NMNAT2: variants seen among roughly 807,000 people sequenced by gnomAD.
The protein encoded by NMNAT2 is nicotinamide nucleotide adenylyltransferase 2, also known as nicotinamide/nicotinic acid mononucleotide adenylyltransferase 2.
NMNAT2 carries 11 observed loss-of-function variants against 41.6 expected under a neutral mutation model. The observed-to-expected ratio is 0.26, with a 90% confidence interval of 0.17 to 0.44. NMNAT2 has a LOEUF of 0.44. Among genes scored for constraint, NMNAT2 ranks in the 20% least tolerant of loss-of-function variants. The pLI is 1.00. For synonymous variants in NMNAT2, 148 were observed against 151.2 expected, an observed-to-expected ratio of 0.98 and a Z score of 0.16; for missense variants, 288 against 407.7, an observed-to-expected ratio of 0.71 and a Z score of 2.53.
At chr1:183,368,078 T>C (rs1343283217) in intron 1 of NMNAT2, among the ~76,000 whole-genome samples, 1 of 152,254 alleles carries the variant, frequency 6.6e-6, no homozygotes, top group African/African-American at 2.4e-5. Flanking sequence ...TCTCTTTGTT[T>C]CTTATTTCAA....
rs80034027 is a variant in NMNAT2, at chr1:183,349,835, G to A, written c.86-56042C>T. On this transcript the variant is annotated intron_variant, in intron 1 of 10. Transcript: ENST00000287713. ...GAAATGGATCTTGGCCTTGCAGACT[G>A]GGAGTCTGGGAGGGGGAAGTAGGAA... is the stretch of plus-strand genomic sequence containing the variant. Among the ~76,000 whole-genome samples, 434 of 152,314 alleles carry A rather than the reference G, an allele frequency of 2.8e-3. 3 individuals carry two copies. Among genetic ancestry groups the A allele is most frequent in the African/African-American group, 0.01 (421 of 41,554 alleles).
Position 183,278,647 on chromosome 1 carries a change from A to C in NMNAT2, c.575-18T>G. On this transcript the variant is annotated intron_variant, in intron 7 of 10. Transcript: ENST00000287713. ...CCGTAGCTCTGAGGAAGGGGAGCAAAGTTTGCAAAGGGAGTAAGTGGTGGC... is the reference window on the plus strand; with the variant it reads ...CCGTAGCTCTGAGGAAGGGGAGCAACGTTTGCAAAGGGAGTAAGTGGTGGC... 1 of 1,595,946 alleles carries C rather than the reference A, an allele frequency of 6.3e-7. No homozygotes were observed. The highest frequency in any genetic ancestry group is 8.6e-7 in the Non-Finnish European group (1 of 1,163,622).
chr1:183,392,836 C>T (rs879835872), intron 1 of NMNAT2, among the ~76,000 whole-genome samples: 21 of 152,226 alleles, frequency 1.4e-4, no homozygotes, highest in Admixed American at 2.6e-4. Context: ...CCCCCAATCA[C>T]CTTTTGCAAT....
chr1:183,359,884 T>C (rs1241902894), intron 1 of NMNAT2, among the ~76,000 whole-genome samples: 1 of 152,160 alleles, frequency 6.6e-6, no homozygotes, highest in Non-Finnish European at 1.5e-5. Context: ...TGCAAGATAA[T>C]GATAGATTTT....
chr1:183,370,309 C>T (rs1385987196), intron 1 of NMNAT2, among the ~76,000 whole-genome samples: 1 of 150,874 alleles, frequency 6.6e-6, no homozygotes, highest in African/African-American at 2.4e-5. Context: ...GTTCTGGTAC[C>T]AGACAGACCT....
chr1:183,258,038 A>G (rs1233506659), intron 10 of NMNAT2, among the ~76,000 whole-genome samples: 3 of 152,174 alleles, frequency 2.0e-5, no homozygotes, highest in Non-Finnish European at 4.4e-5. Context: ...GTTCCTCTGC[A>G]TGCTGGCCTC....
chr1:183,347,410 C>T (rs1051461251), intron 1 of NMNAT2, among the ~76,000 whole-genome samples: 5 of 152,042 alleles, frequency 3.3e-5, no homozygotes, highest in African/African-American at 7.2e-5. Flanking sequence ...AAGTCATGAT[C>T]GTACCACCGC....
rs77852799 is a variant in NMNAT2, at chr1:183,372,999, C to A, written c.85+45184G>T. Among the ~76,000 whole-genome samples the A allele has an allele frequency of 3.1e-3, 469 of 152,322 alleles. 1 individual carries two copies. The highest frequency in any genetic ancestry group is 0.011 in the African/African-American group (449 of 41,568). On this transcript the variant is annotated intron_variant, in intron 1 of 10. Transcript: ENST00000287713. The stretch of plus-strand genomic sequence containing the variant: ...TCCACATAGGAGGGGCCAGCTCCCC[C>A]AGGGAGGCCATCAAGTCCAGGCCCA...
chr1:183,355,522 G>A (rs977827043), intron 1 of NMNAT2, among the ~76,000 whole-genome samples: 5 of 152,190 alleles, frequency 3.3e-5, no homozygotes, highest in African/African-American at 9.7e-5. Flanking sequence ...TATTCCTGTG[G>A]CAAACTGATT....
At chr1:183,379,108 C>A (rs529173694) in intron 1 of NMNAT2, among the ~76,000 whole-genome samples, 278 of 146,532 alleles carry the variant, frequency 1.9e-3, no homozygotes, top group African/African-American at 5.5e-3. Flanking sequence ...TAATCTATAT[C>A]TCTCTCTCTA....
chr1:183,269,061 C>T (rs1003942958), intron 8 of NMNAT2, among the ~76,000 whole-genome samples: 8 of 152,050 alleles, frequency 5.3e-5, no homozygotes, highest in African/African-American at 1.9e-4. Flanking sequence ...TAGAGTGTGA[C>T]CCTGTCTCTG....
intron 1 of NMNAT2, among the ~76,000 whole-genome samples, chr1:183,354,614 A>G (rs1485594787): frequency 6.6e-6 from 1 of 151,894 alleles, no homozygotes; most frequent in Admixed American, 6.6e-5. Context: ...ACAGGGTCTC[A>G]CCATGTTGCC....
intron 1 of NMNAT2, among the ~76,000 whole-genome samples, chr1:183,385,629 A>G (rs1648217211): frequency 2.0e-5 from 3 of 151,778 alleles, no homozygotes; most frequent in Admixed American, 6.6e-5. Flanking sequence ...AATCCTCCAC[A>G]TTTAAACTAT....
rs185876230 is a variant in NMNAT2, at chr1:183,269,975, C to T, written c.651+8578G>A. Among the ~76,000 whole-genome samples, 791 of 152,300 alleles carry T rather than the reference C, an allele frequency of 5.2e-3. 5 individuals are homozygous for T. The highest frequency in any genetic ancestry group is 9.0e-3 in the Non-Finnish European group (614 of 68,028). ...CTCAGCTCACTGCAAGCTCCGCCTC[C>T]CGGGTTCACGCCATTCTCCTGCCTC... On this transcript the variant is annotated intron_variant, in intron 8 of 10. Coordinates refer to ENST00000287713, the MANE Select transcript of NMNAT2 (RefSeq NM_015039.4).
At chr1:183,373,832 G>C (rs748961120) in intron 1 of NMNAT2, among the ~76,000 whole-genome samples, 1 of 152,002 alleles carries the variant, frequency 6.6e-6, no homozygotes, top group Non-Finnish European at 1.5e-5. Context: ...TGGCCAAGCT[G>C]GTCTCAAACT....
intron 1 of NMNAT2, among the ~76,000 whole-genome samples, chr1:183,313,060 C>T (rs1023198977): frequency 3.3e-5 from 5 of 152,162 alleles, no homozygotes; most frequent in Non-Finnish European, 7.3e-5. Context: ...CACTCAGTCT[C>T]TCTAATTTCT....
At position 183,286,563 on chromosome 1, in the gene NMNAT2, C is replaced by T. The variant is rs1052043511; in HGVS notation, c.448+99G>A. 3.0e-6 allele frequency: 3 copies of T among 1,013,132 alleles called. No homozygotes were observed. The South Asian group carries it at 5.4e-5, about 18-fold the overall frequency. The allele number at this position is 1,013,132 out of a possible 1,614,324, so 62.8% of individuals were successfully genotyped here. ...ACAAGTCCTCTTTCCCCTCTCAGAC[C>T]TACTGAATCAAGTTCTGGGTGGATC... On this transcript the variant is annotated intron_variant, in intron 5 of 10. Transcript: ENST00000287713.
intron 2 of NMNAT2, among the ~76,000 whole-genome samples, 185 bp downstream of exon 2, chr1:183,293,520 C>T (rs539963116): frequency 2.6e-5 from 4 of 152,356 alleles, no homozygotes; most frequent in Admixed American, 6.5e-5. Flanking sequence ...TGCTTCAACG[C>T]CCATCCACTC....
chr1:183,392,505 A>C (rs114444660), intron 1 of NMNAT2, among the ~76,000 whole-genome samples: 84 of 152,340 alleles, frequency 5.5e-4, no homozygotes, highest in African/African-American at 2.0e-3. Context: ...AAGCCAAATC[A>C]TGTAACACTT....
Sources: gnomAD v4.1 joint callset for allele counts (sites outside exome capture counted in the v4.1 genomes callset) on GRCh38, gnomAD v4.1.1 for gene constraint, MANE v1.5 for transcripts, NCBI Gene and HGNC (gene_info 2026-07-23, HGNC 2026-07-21) for gene names.